The following PEX14 variants were observed in gnomAD, a reference collection of about 807,000 sequenced individuals.
The protein encoded by PEX14 is peroxisomal membrane protein PEX14.
A neutral mutation model predicts 49.5 loss-of-function variants in PEX14; 15 were observed. That is an observed-to-expected ratio of 0.30 (90% CI 0.20 to 0.47). The LOEUF (loss-of-function observed/expected upper bound fraction) is 0.47, where lower values mean the gene tolerates loss of function less well. PEX14 is among the 20% of genes least tolerant of loss of function. The pLI is 1.00. For synonymous variants in PEX14, 210 were observed against 212.7 expected (o/e 0.99, Z 0.11); for missense variants, 398 against 494.8 (o/e 0.80, Z 1.86).
At chr1:10,498,320 G>C (rs944894186) in intron 2 of PEX14, among the ~76,000 whole-genome samples, 10 of 138,418 alleles carry the variant, frequency 7.2e-5, no homozygotes, top group Middle Eastern at 3.7e-3. Flanking sequence ...CAAAACAAAA[G>C]AATGAAAATA....
chr1:10,567,930 A>G (rs1440296428), intron 3 of PEX14, among the ~76,000 whole-genome samples: 2 of 152,150 alleles, frequency 1.3e-5, no homozygotes, highest in Non-Finnish European at 2.9e-5. Context: ...GCACCCAGCC[A>G]TGTATCTTTT....
Position 10,542,326 on chromosome 1 carries a change from A to T in PEX14, c.169+6029A>T, listed in dbSNP as rs1209333360. 5.9e-5 allele frequency among the ~76,000 whole-genome samples: 9 copies of T among 152,336 alleles called. No individual in the cohort carries two copies. In the South Asian group the frequency reaches 1.9e-3, roughly 32 times the overall value. On this transcript the variant is annotated intron_variant, in intron 3 of 8. Transcript: ENST00000356607. ...CCACAGAAACACGAATGCTTTCTAA[A>T]TACAGTGGTAGCATATTTTACACTT...
Position 10,630,432 on chromosome 1 carries a change from T to G in PEX14, c.*445T>G. ...GCTGCGGTCCCTCTGGTGTCTGCCATCCCCCTCCCTCCCTGGGCCCGGCCC... is the reference window on the plus strand; with the variant it reads ...GCTGCGGTCCCTCTGGTGTCTGCCAGCCCCCTCCCTCCCTGGGCCCGGCCC... On this transcript the variant is annotated 3_prime_UTR_variant, in exon 9 of 9. Coordinates refer to ENST00000356607, the MANE Select transcript of PEX14 (RefSeq NM_004565.3). The surrounding 1 kb of genome is among the most constrained non-coding windows in gnomAD (Gnocchi z 4.1). 5.7e-6 allele frequency: 1 copy of G among 174,530 alleles called. No individual in the cohort carries two copies. The highest frequency in any genetic ancestry group is 5.7e-5 in the Admixed American group (1 of 17,536). The allele number at this position is 174,530 out of a possible 1,614,324, so 10.8% of individuals were successfully genotyped here.
In PEX14 at chr1:10,494,273, G is replaced by A. The variant is rs1027858484; in HGVS notation, c.37-1001G>A. 6.6e-6 allele frequency among the ~76,000 whole-genome samples: 1 copy of A among 152,154 alleles called. No homozygotes were observed. The highest frequency in any genetic ancestry group is 2.4e-5 in the African/African-American group (1 of 41,420). Reference sequence around the variant, plus strand: ...CCGGGCCTCTGTCCTTTTCCAAGGCGGCCTGGCACTTCCATCTGATCTGTA... The same window carrying A: ...CCGGGCCTCTGTCCTTTTCCAAGGCAGCCTGGCACTTCCATCTGATCTGTA... On this transcript the variant is annotated intron_variant, in intron 1 of 8. Coordinates refer to ENST00000356607, the MANE Select transcript of PEX14 (RefSeq NM_004565.3). The surrounding 1 kb of genome is among the most constrained non-coding windows in gnomAD (Gnocchi z 4.3).
chr1:10,573,216 G>A (rs6687502), intron 3 of PEX14, among the ~76,000 whole-genome samples: 93,573 of 152,110 alleles, frequency 0.62, 30,041 homozygotes, highest in Admixed American at 0.7. Context: ...TTCATCTGAC[G>A]GAGGTCTTGT....
intron 2 of PEX14, among the ~76,000 whole-genome samples, chr1:10,534,382 C>T (rs1638737297): frequency 6.6e-6 from 1 of 152,010 alleles, no homozygotes. Flanking sequence ...TTTCTCCTCT[C>T]TCCTTTTCCC....
intron 3 of PEX14, among the ~76,000 whole-genome samples, chr1:10,543,497 C>T (rs185674145): frequency 3.3e-5 from 5 of 152,248 alleles, no homozygotes; most frequent in African/African-American, 9.6e-5. Context: ...GCAGGAAGGC[C>T]TTCGTTAGTG....
chr1:10,569,914 A>T (rs934629981), intron 3 of PEX14, among the ~76,000 whole-genome samples: 4 of 152,076 alleles, frequency 2.6e-5, no homozygotes, highest in Non-Finnish European at 5.9e-5. Context: ...TTTCACAGTG[A>T]TGTACATGAG....
At chr1:10,572,761 C>T (rs1640014473) in intron 3 of PEX14, among the ~76,000 whole-genome samples, 1 of 152,132 alleles carries the variant, frequency 6.6e-6, no homozygotes, top group Non-Finnish European at 1.5e-5. Context: ...TGGTCTCGAT[C>T]TCCTGACCTC....
At chr1:10,605,655 G>A (rs1641105374) in intron 4 of PEX14, among the ~76,000 whole-genome samples, 1 of 152,144 alleles carries the variant, frequency 6.6e-6, no homozygotes, top group Admixed American at 6.5e-5. Context: ...GGTGGCCTCG[G>A]GGTTCCCGTC....
chr1:10,526,121 C>A (rs1243871193), intron 2 of PEX14, among the ~76,000 whole-genome samples: 1 of 146,364 alleles, frequency 6.8e-6, no homozygotes, highest in Non-Finnish European at 1.5e-5. Flanking sequence ...CGGGTTTCAC[C>A]GTGTTAGCCA....
At chr1:10,520,475 A>G (rs1638251322) in intron 2 of PEX14, among the ~76,000 whole-genome samples, 2 of 152,006 alleles carry the variant, frequency 1.3e-5, no homozygotes, top group South Asian at 2.1e-4. Context: ...CTACTTTTCT[A>G]CTTCCCTTAT....
At chr1:10,483,715 C>T (rs1439104307) in intron 1 of PEX14, among the ~76,000 whole-genome samples, 1 of 151,346 alleles carries the variant, frequency 6.6e-6, no homozygotes, top group Non-Finnish European at 1.5e-5. Context: ...GTGTTGTGAT[C>T]AGTTTGAGTT....
intron 3 of PEX14, among the ~76,000 whole-genome samples, chr1:10,588,970 A>G (rs1000384723): frequency 6.6e-6 from 1 of 152,228 alleles, no homozygotes; most frequent in South Asian, 2.1e-4. Flanking sequence ...ATTTTGTATT[A>G]TCTGTGGTTT....
At chr1:10,556,192 C>G (rs1242453547) in intron 3 of PEX14, among the ~76,000 whole-genome samples, 4 of 152,068 alleles carry the variant, frequency 2.6e-5, no homozygotes, top group South Asian at 2.1e-4. Context: ...TCCTGCCTGC[C>G]CCTTCAGCAG....
chr1:10,598,161 T>C (rs1381241725), intron 3 of PEX14, among the ~76,000 whole-genome samples: 3 of 152,196 alleles, frequency 2.0e-5, no homozygotes, highest in Admixed American at 1.3e-4. Flanking sequence ...ATGTTGGGAT[T>C]CCTGGAACAG....
intron 3 of PEX14, among the ~76,000 whole-genome samples, chr1:10,590,868 T>C (rs1570317470): frequency 6.6e-6 from 1 of 152,268 alleles, no homozygotes; most frequent in African/African-American, 2.4e-5. Flanking sequence ...GGAAGTAAGC[T>C]GAATGCCAAA....
chr1:10,608,551 A>G (rs1486057104), intron 4 of PEX14, among the ~76,000 whole-genome samples: 1 of 151,948 alleles, frequency 6.6e-6, no homozygotes, highest in Non-Finnish European at 1.5e-5. Context: ...AATCCCAGCT[A>G]CTCAGGAGGC....
At chr1:10,582,640 C>G (rs1009063543) in intron 3 of PEX14, among the ~76,000 whole-genome samples, 1 of 152,158 alleles carries the variant, frequency 6.6e-6, no homozygotes, top group Non-Finnish European at 1.5e-5. Context: ...GCCTGACTCT[C>G]TCCAGAGTAT....
Sources: allele counts gnomAD v4.1 joint callset (sites outside exome capture counted in the v4.1 genomes callset), GRCh38; gene constraint gnomAD v4.1.1; non-coding constraint Gnocchi (gnomAD v3.1); transcripts MANE v1.5; gene names NCBI Gene and HGNC (gene_info 2026-07-23, HGNC 2026-07-21).